CDYL: variants seen among roughly 807,000 people sequenced by gnomAD.
CDYL encodes chromodomain Y-like protein.
In CDYL, 8 loss-of-function variants were observed where a neutral mutation model predicts 47.3. That is an observed-to-expected ratio of 0.17 (90% CI 0.10 to 0.31). The LOEUF is 0.31. Ranked by LOEUF, CDYL falls within the 10% of genes least tolerant of loss-of-function variation. The pLI is 1.00. For missense variants in CDYL, 471 were observed against 701.4 expected (o/e 0.67, Z 3.71); for synonymous variants, 266 against 265.0 (o/e 1.00, Z -0.04).
At chr6:4,726,405 A>C (rs1400844127) in intron 2 of CDYL, among the ~76,000 whole-genome samples, 1 of 151,918 alleles carries the variant, frequency 6.6e-6, no homozygotes, top group Non-Finnish European at 1.5e-5. Context: ...CGTGGTACGC[A>C]CCTGTAATCC....
At chr6:4,765,797 C>T (rs1049390560) in intron 3 of CDYL, among the ~76,000 whole-genome samples, 13 of 152,080 alleles carry the variant, frequency 8.5e-5, no homozygotes, top group Non-Finnish European at 1.8e-4. Context: ...CTCCTGACCT[C>T]GGGTGATCCA....
At chr6:4,860,375 A>G (rs1761129473) in intron 1 of CDYL, among the ~76,000 whole-genome samples, 1 of 151,332 alleles carries the variant, frequency 6.6e-6, no homozygotes, top group African/African-American at 2.4e-5. Flanking sequence ...TCTCCTAACT[A>G]CTATGGTGAA....
chr6:4,768,447 A>G (rs1160627705), intron 3 of CDYL, among the ~76,000 whole-genome samples: 1 of 152,202 alleles, frequency 6.6e-6, no homozygotes, highest in Non-Finnish European at 1.5e-5. Flanking sequence ...TGATGAGAGT[A>G]TGTCAAAGAT....
chr6:4,761,482 T>TACAGGCGTCCGCCACCACGCCCA lies in CDYL; in HGVS notation c.186+26660_186+26661insAACAGGCGTCCGCCACCACGCCC, dbSNP rs1758174507. Among the ~76,000 whole-genome samples the TACAGGCGTCCGCCACCACGCCCA allele has an allele frequency of 2.6e-5, 4 of 152,182 alleles. No individual in the cohort carries two copies. In the South Asian group the frequency reaches 6.2e-4, roughly 24 times the overall value. On this transcript the variant is annotated intron_variant, in intron 3 of 8. Coordinates refer to the CDYL transcript ENST00000328908. ...CCTCAGCCTCCTGAGTAGCTGAGATTACAGGCGTCCGCCACCACGCCCGGC... is the reference window on the plus strand; with the variant it reads ...CCTCAGCCTCCTGAGTAGCTGAGATTACAGGCGTCCGCCACCACGCCCAACAGGCGTCCGCCACCACGCCCGGC...
intron 4 of CDYL, among the ~76,000 whole-genome samples, chr6:4,940,885 A>C (rs1581282792): frequency 6.6e-6 from 1 of 152,252 alleles, no homozygotes; most frequent in African/African-American, 2.4e-5. Flanking sequence ...CGAAGGTGCC[A>C]TTCAAATGAG....
rs146852222 is a variant in CDYL at position 4,871,774 on chromosome 6, A to G, written c.25-19939A>G. On this transcript the variant is annotated intron_variant, in intron 1 of 6. Transcript: ENST00000397588. ...GAAATACAAAGGGGCGCTTTCTCACAAAAACTGCTAAGTACCCCTAGTCTG... is the reference window on the plus strand; with the variant it reads ...GAAATACAAAGGGGCGCTTTCTCACGAAAACTGCTAAGTACCCCTAGTCTG... Among the ~76,000 whole-genome samples, 644 of 152,322 alleles carry G rather than the reference A, an allele frequency of 4.2e-3. 7 individuals carry two copies. The highest frequency in any genetic ancestry group is 0.014 in the African/African-American group (598 of 41,574).
intron 3 of CDYL, among the ~76,000 whole-genome samples, chr6:4,769,253 GA>G (rs1424603810): frequency 2.6e-5 from 4 of 152,162 alleles, no homozygotes; most frequent in African/African-American, 9.7e-5. Flanking sequence ...ATGTAATGGG[GA>G]AAACTGGGTA....
chr6:4,951,071 C>T (rs1464798317), intron 5 of CDYL, among the ~76,000 whole-genome samples: 1 of 152,114 alleles, frequency 6.6e-6, no homozygotes, highest in Non-Finnish European at 1.5e-5. Flanking sequence ...CTCCAAGCTG[C>T]GGGTTTCACA....
chr6:4,918,035 A>G (rs1757605367), intron 2 of CDYL, among the ~76,000 whole-genome samples: 1 of 152,238 alleles, frequency 6.6e-6, no homozygotes, highest in African/African-American at 2.4e-5. Context: ...TTTTGAAATT[A>G]ACGGCCACAC....
chr6:4,840,617 G>A (rs1035467868), intron 1 of CDYL, among the ~76,000 whole-genome samples: 1 of 152,052 alleles, frequency 6.6e-6, no homozygotes, highest in Non-Finnish European at 1.5e-5. Context: ...AGGGGTGCTG[G>A]ATTTTGTCAA....
intron 2 of CDYL, among the ~76,000 whole-genome samples, chr6:4,722,404 G>A (rs972652580): frequency 3.3e-5 from 5 of 151,658 alleles, no homozygotes; most frequent in Admixed American, 2.0e-4. Flanking sequence ...AGAAAACAAA[G>A]AAAAAATTTA....
chr6:4,782,078 G>A (rs1006182714), intron 1 of CDYL, among the ~76,000 whole-genome samples: 5 of 151,762 alleles, frequency 3.3e-5, no homozygotes, highest in Admixed American at 6.6e-5. Context: ...GGGTGGGTTG[G>A]GGATCTGCCT....
At chr6:4,945,289 A>G (rs1259447051) in intron 5 of CDYL, among the ~76,000 whole-genome samples, 1 of 152,192 alleles carries the variant, frequency 6.6e-6, no homozygotes, top group Non-Finnish European at 1.5e-5. Context: ...ACTCTGTACT[A>G]CTTTTATCAT....
intron 1 of CDYL, among the ~76,000 whole-genome samples, chr6:4,805,272 A>T (rs1441488448): frequency 6.6e-6 from 1 of 152,202 alleles, no homozygotes; most frequent in Non-Finnish European, 1.5e-5. Flanking sequence ...GTGAAACTCT[A>T]TTCTGCTCCC....
Position 4,776,426 on chromosome 6 carries a change from G to A in CDYL, c.-358G>A, listed in dbSNP as rs1262490139. On this transcript the variant is annotated 5_prime_UTR_variant, in exon 1 of 7. Transcript: ENST00000397588. The stretch of plus-strand genomic sequence containing the variant: ...TTTGGTCGCAAGTAGGAAGCTTTCT[G>A]CACTACACCGGAGAGGGGAGCCGCG... The A allele has an allele frequency of 6.9e-6, 1 of 145,668 alleles. No homozygotes were observed. Among genetic ancestry groups the A allele is most frequent in the Non-Finnish European group, 1.5e-5 (1 of 65,476 alleles). The allele number at this position is 145,668 out of a possible 1,614,324, so 9.0% of individuals were successfully genotyped here. A position where few individuals can be genotyped will look rare whatever the true frequency, so the allele number is the denominator to read the frequency against.
At chr6:4,713,840 G>A (rs1393358182) in intron 1 of CDYL, among the ~76,000 whole-genome samples, 6 of 152,138 alleles carry the variant, frequency 3.9e-5, no homozygotes, top group Non-Finnish European at 5.9e-5. Context: ...TGCCTGCCTC[G>A]GCCTCCCAAA....
intron 5 of CDYL, among the ~76,000 whole-genome samples, chr6:4,951,556 C>T (rs1191893790): frequency 6.6e-6 from 1 of 151,938 alleles, no homozygotes; most frequent in African/African-American, 2.4e-5. Context: ...TGTTAGCTTT[C>T]TCCACTGAGC....
At chr6:4,772,937 A>G (rs1284695060), upstream of CDYL, 1 of 359,980 alleles carries the variant, frequency 2.8e-6, no homozygotes, top group East Asian at 7.3e-5. Context: ...TTGGATTCAA[A>G]TGTAGATGAA....
chr6:4,723,243 C>T (rs1345694042), intron 2 of CDYL, among the ~76,000 whole-genome samples: 1 of 152,076 alleles, frequency 6.6e-6, no homozygotes, highest in Non-Finnish European at 1.5e-5. Context: ...TTAGAGTACA[C>T]AGGAGGATGA....
Sources: gnomAD v4.1 joint callset for allele counts (sites outside exome capture counted in the v4.1 genomes callset) on GRCh38, gnomAD v4.1.1 for gene constraint, MANE v1.5 for transcripts, NCBI Gene and HGNC (gene_info 2026-07-23, HGNC 2026-07-21) for gene names.